Variants in ANKAR observed in about 807,000 individuals in gnomAD.
ANKAR encodes ankyrin and armadillo repeat containing.
A neutral mutation model predicts 146.2 loss-of-function variants in ANKAR; 136 were observed. That is an observed-to-expected ratio of 0.93 (90% CI 0.81 to 1.07). The LOEUF is 1.07. ANKAR is among the 50% of genes least tolerant of loss of function. The pLI is 0.00. For synonymous variants in ANKAR, 500 were observed against 575.8 expected (o/e 0.87, Z 1.88); for missense variants, 1,567 against 1,679.9 (o/e 0.93, Z 1.18).
At chr2:189,729,378 G>C (rs2042182338) in intron 15 of ANKAR, among the ~76,000 whole-genome samples, 1 of 152,108 alleles carries the variant, frequency 6.6e-6, no homozygotes, top group Admixed American at 6.6e-5. Context: ...GCAAACAAGA[G>C]GAAAAATCTT....
intron 2 of ANKAR, among the ~76,000 whole-genome samples, chr2:189,686,797 T>C (rs1174914030): frequency 6.6e-6 from 1 of 150,602 alleles, no homozygotes; most frequent in Non-Finnish European, 1.5e-5. Context: ...ATCATGAGAT[T>C]TATAAATTTG....
intron 10 of ANKAR, among the ~76,000 whole-genome samples, chr2:189,718,576 TAAAG>T (rs1264362796): frequency 6.6e-6 from 1 of 152,312 alleles, no homozygotes; most frequent in Admixed American, 6.5e-5. Flanking sequence ...AAGGTGAACT[TAAAG>T]AAGTCATGAG....
At chr2:189,730,643 C>A in intron 16 of ANKAR, 42 bp downstream of exon 16, 2 of 1,042,734 alleles carry the variant, frequency 1.9e-6, no homozygotes, top group Non-Finnish European at 1.3e-6. Flanking sequence ...TAAAAATTAA[C>A]AAATATAATT....
chr2:189,696,403 A>G lies in ANKAR; in HGVS notation c.1708+34A>G. 1.3e-5 allele frequency: 20 copies of G among 1,586,716 alleles called. No individual in the cohort carries two copies. The Middle Eastern group carries it at 2.9e-3, about 227-fold the overall frequency. On this transcript the variant is annotated intron_variant, in intron 7 of 22. Transcript: ENST00000684021. ...AAGTTTTTTAACCTAAAATGTTGTT[A>G]TTTTATTTACCCTTACTCAGCATTA...
intron 2 of ANKAR, among the ~76,000 whole-genome samples, chr2:189,678,585 C>T (rs187467172): frequency 5.9e-5 from 9 of 152,256 alleles, no homozygotes; most frequent in South Asian, 2.1e-4. Flanking sequence ...ATTTAGTTCT[C>T]GATCCATCTC....
At chr2:189,725,549 G>A (rs1221049677) in intron 12 of ANKAR, among the ~76,000 whole-genome samples, 1 of 152,006 alleles carries the variant, frequency 6.6e-6, no homozygotes, top group East Asian at 1.9e-4. Flanking sequence ...ATATCTATAG[G>A]ACACAAGGAC....
chr2:189,717,530 G>A (rs1480041842), intron 10 of ANKAR, among the ~76,000 whole-genome samples: 10 of 152,158 alleles, frequency 6.6e-5, no homozygotes, highest in South Asian at 2.1e-4. Context: ...ACAGTGTGGC[G>A]ATTCCTCAAG....
At chr2:189,762,907 C>T (rs926376624), downstream of ANKAR, 4 of 985,396 alleles carry the variant, frequency 4.1e-6, no homozygotes, top group African/African-American at 1.7e-5. Context: ...TCTCTGTGCG[C>T]ACCTGCATTT....
chr2:189,728,917 A>C, intron 15 of ANKAR, 96 bp downstream of exon 15: 1 of 1,198,838 alleles, frequency 8.3e-7, no homozygotes, highest in South Asian at 1.6e-5. Flanking sequence ...CTCTATCCCC[A>C]CTGTTTGAGC....
intron 9 of ANKAR, among the ~76,000 whole-genome samples, chr2:189,710,760 C>T (rs1408131332): frequency 6.6e-6 from 1 of 152,154 alleles, no homozygotes; most frequent in Non-Finnish European, 1.5e-5. Flanking sequence ...TGTGATCATG[C>T]CATTGCACTC....
At chr2:189,761,275 T>C (rs1465075625), downstream of ANKAR, 22 of 766,522 alleles carry the variant, frequency 2.9e-5, no homozygotes, top group East Asian at 6.2e-5. Context: ...GATGAAGTGT[T>C]TGAGGTTTTC....
chr2:189,697,031 A>G (rs2037314981), intron 7 of ANKAR, among the ~76,000 whole-genome samples: 1 of 152,158 alleles, frequency 6.6e-6, no homozygotes, highest in Admixed American at 6.6e-5. Flanking sequence ...AAATAAATTT[A>G]GCTAGAATAA....
At chr2:189,760,786 T>C (rs6748102) in intron 18 of ANKAR, among the ~76,000 whole-genome samples, 15,915 of 150,940 alleles carry the variant, frequency 0.11, 980 homozygotes, top group Middle Eastern at 0.16. Flanking sequence ...TGAGACTCTG[T>C]CTCACCAAAA....
Position 189,705,059 on chromosome 2 carries a change from C to T in ANKAR, c.1745C>T (p.Ser582Leu). The T allele has an allele frequency of 6.2e-7, 1 of 1,614,020 alleles. No homozygotes were observed. The highest frequency in any genetic ancestry group is 8.5e-7 in the Non-Finnish European group (1 of 1,180,012). The change falls in exon 8 of 23, where the codon TCA becomes TTA. Residue 582 changes from serine (S) to leucine (L), a missense_variant. By Grantham distance (145) the Ser-to-Leu change is moderately radical. Coordinates refer to ENST00000684021, the MANE Select transcript of ANKAR (RefSeq NM_001378068.1). ...TPLHLAAQAC[S>L]LETTVCLLCS... ...CTACACCTTGCTGCACAGGCTTGCT[C>T]ATTAGAAACAACAGTTTGTCTACTG...
At chr2:189,747,338 C>CA (rs5837164), downstream of ANKAR, 23,768 of 75,734 alleles carry the variant, frequency 0.31, 6,271 homozygotes, top group African/African-American at 0.56. Context: ...GACCCTGTCT[C>CA]AAAAAAAAAA....
chr2:189,704,927 A>G (rs2038714816), intron 7 of ANKAR, 96 bp from the exon 8 acceptor site: 3 of 1,180,068 alleles, frequency 2.5e-6, no homozygotes, highest in Non-Finnish European at 3.7e-6. Flanking sequence ...ATATCATACA[A>G]TACTAAGCTC....
chr2:189,742,951 CACACACACACACACACACACACA>C (rs2043567944), intron 20 of ANKAR, among the ~76,000 whole-genome samples: 3 of 143,136 alleles, frequency 2.1e-5, no homozygotes, highest in Admixed American at 2.1e-4. Context: ...CACACACACA[CACACACACACACACACACACACA>C]CACACACCCC....
downstream of ANKAR, chr2:189,746,814 A>G (rs2105922893): frequency 1.7e-6 from 1 of 587,338 alleles, no homozygotes; most frequent in African/African-American, 2.0e-5. Context: ...TATGGTTTCA[A>G]AAAATTAGGA....
chr2:189,702,990 A>T (rs1402625005), intron 7 of ANKAR, among the ~76,000 whole-genome samples: 1 of 152,218 alleles, frequency 6.6e-6, no homozygotes. Flanking sequence ...ATTAATAATT[A>T]TGCTAGTGCA....
Sources: allele counts gnomAD v4.1 joint callset (sites outside exome capture counted in the v4.1 genomes callset), GRCh38; gene constraint gnomAD v4.1.1; transcripts MANE v1.5; gene names NCBI Gene and HGNC (gene_info 2026-07-23, HGNC 2026-07-21).